SLC35F4: variants seen among roughly 807,000 people sequenced by gnomAD.
SLC35F4 encodes chromosome 14 open reading frame 36.
In SLC35F4, 24 loss-of-function variants were observed where a neutral mutation model predicts 44.2. The ratio of observed to expected loss-of-function variants is 0.54; its 90% confidence interval spans 0.39 to 0.76. SLC35F4 has a LOEUF of 0.76. Ranked by LOEUF, SLC35F4 falls within the 30% of genes least tolerant of loss-of-function variation. The probability of loss-of-function intolerance (pLI) is 0.00; values close to 1 mark genes in which losing one functional copy is unlikely to be tolerated. For missense variants in SLC35F4, 562 were observed against 586.1 expected (o/e 0.96, Z 0.42); for synonymous variants, 238 against 223.6 (o/e 1.06, Z -0.57).
At chr14:57,842,826 A>AGT (rs1885615932) in intron 1 of SLC35F4, among the ~76,000 whole-genome samples, 1 of 152,162 alleles carries the variant, frequency 6.6e-6, no homozygotes, top group Admixed American at 6.5e-5. Flanking sequence ...AAGATGATTA[A>AGT]CATTTGAGTC....
intron 1 of SLC35F4, among the ~76,000 whole-genome samples, chr14:57,848,807 T>C (rs186582164): frequency 6.4e-4 from 97 of 152,314 alleles, no homozygotes; most frequent in African/African-American, 2.2e-3. Context: ...GATTGGCATT[T>C]TCTAAGCTCA....
At chr14:57,597,043 C>A in intron 1 of SLC35F4, 1 of 384,184 alleles carries the variant, frequency 2.6e-6, no homozygotes, top group South Asian at 2.3e-5. Context: ...GGTCTTGTAC[C>A]ATTTAGTTAA....
chr14:57,677,532 T>C (rs1278406742), intron 1 of SLC35F4, among the ~76,000 whole-genome samples: 1 of 152,058 alleles, frequency 6.6e-6, no homozygotes, highest in Admixed American at 6.6e-5. Flanking sequence ...AAAGTTAACT[T>C]GCTGTTTGAG....
chr14:57,729,516 G>A (rs567409096), intron 1 of SLC35F4, among the ~76,000 whole-genome samples: 2 of 152,172 alleles, frequency 1.3e-5, no homozygotes, highest in Non-Finnish European at 2.9e-5. Flanking sequence ...AGCCCAGGAT[G>A]TATCTAGAAA....
At chr14:57,805,049 T>C (rs1034379654) in intron 1 of SLC35F4, among the ~76,000 whole-genome samples, 1 of 151,808 alleles carries the variant, frequency 6.6e-6, no homozygotes, top group Non-Finnish European at 1.5e-5. Context: ...ATTAGAGAAA[T>C]GAAAATCAAA....
chr14:57,709,346 T>C (rs1324292380), intron 1 of SLC35F4, among the ~76,000 whole-genome samples: 31 of 152,158 alleles, frequency 2.0e-4, no homozygotes, highest in Admixed American at 1.9e-3. Context: ...GCTCGCACTC[T>C]TGTCTTCTGG....
chr14:57,872,604 G>T (rs1888318266), intron 1 of SLC35F4, among the ~76,000 whole-genome samples: 1 of 152,154 alleles, frequency 6.6e-6, no homozygotes, highest in Non-Finnish European at 1.5e-5. Context: ...ACATGAAAAT[G>T]CATTTGCTTG....
At chr14:57,811,383 T>G (rs1881947112) in intron 1 of SLC35F4, among the ~76,000 whole-genome samples, 1 of 152,146 alleles carries the variant, frequency 6.6e-6, no homozygotes, top group Non-Finnish European at 1.5e-5. Flanking sequence ...AGAGGTATTA[T>G]GAGAATTAAA....
At chr14:57,700,233 T>C (rs531637924) in intron 1 of SLC35F4, among the ~76,000 whole-genome samples, 22 of 152,342 alleles carry the variant, frequency 1.4e-4, no homozygotes, top group African/African-American at 5.1e-4. Context: ...CATGTTACCG[T>C]ACTGAATACT....
chr14:57,584,279 T>G (rs930424664), intron 3 of SLC35F4, among the ~76,000 whole-genome samples: 2 of 152,170 alleles, frequency 1.3e-5, no homozygotes, highest in African/African-American at 4.8e-5. Context: ...GATTTGATAC[T>G]TCATTGAAAA....
At chr14:57,715,089 G>A (rs2075906436) in intron 1 of SLC35F4, among the ~76,000 whole-genome samples, 1 of 152,150 alleles carries the variant, frequency 6.6e-6, no homozygotes, top group African/African-American at 2.4e-5. Flanking sequence ...AGTAAAGATG[G>A]AAATGATTGA....
intron 1 of SLC35F4, among the ~76,000 whole-genome samples, chr14:57,711,027 T>C (rs1333759024): frequency 6.6e-6 from 1 of 152,062 alleles, no homozygotes; most frequent in Non-Finnish European, 1.5e-5. Flanking sequence ...TAGAGTGGAA[T>C]TATATGGTTT....
At chr14:57,847,912 G>A (rs1886181339) in intron 1 of SLC35F4, among the ~76,000 whole-genome samples, 2 of 152,218 alleles carry the variant, frequency 1.3e-5, no homozygotes, top group Middle Eastern at 3.2e-3. Context: ...AAAGATGACA[G>A]ATTGAATACA....
At chr14:57,747,905 A>G (rs560594485) in intron 1 of SLC35F4, among the ~76,000 whole-genome samples, 2 of 152,198 alleles carry the variant, frequency 1.3e-5, no homozygotes, top group Non-Finnish European at 2.9e-5. Flanking sequence ...GATAGAAAAG[A>G]ATGTCTTGCC....
At chr14:57,728,902 A>G (rs1306557774) in intron 1 of SLC35F4, among the ~76,000 whole-genome samples, 1 of 152,084 alleles carries the variant, frequency 6.6e-6, no homozygotes, top group Non-Finnish European at 1.5e-5. Flanking sequence ...TTTCTCCTTC[A>G]TGCTCAAAGA....
At chr14:57,938,244 G>A (rs1889851248) in intron 1 of SLC35F4, among the ~76,000 whole-genome samples, 1 of 151,946 alleles carries the variant, frequency 6.6e-6, no homozygotes, top group South Asian at 2.1e-4. Context: ...AGACACCAAA[G>A]ACAGGCAGCA....
At chr14:57,933,901 A>C (rs1279806585) in intron 1 of SLC35F4, among the ~76,000 whole-genome samples, 1 of 152,168 alleles carries the variant, frequency 6.6e-6, no homozygotes, top group East Asian at 1.9e-4. Flanking sequence ...AAATATATAT[A>C]ATTAAAATAC....
intron 1 of SLC35F4, among the ~76,000 whole-genome samples, chr14:57,640,138 T>C (rs74680341): frequency 0.014 from 2,108 of 152,082 alleles, 51 homozygotes; most frequent in African/African-American, 0.047. Context: ...TTAAAGTTTC[T>C]CTCCAATGGT....
intron 1 of SLC35F4, among the ~76,000 whole-genome samples, chr14:57,660,214 T>C (rs2074094449): frequency 6.6e-6 from 1 of 152,190 alleles, no homozygotes; most frequent in Non-Finnish European, 1.5e-5. Flanking sequence ...AAAGTGTTTT[T>C]GGATGGTGAA....
Sources: gnomAD v4.1 joint callset for allele counts (sites outside exome capture counted in the v4.1 genomes callset) on GRCh38, gnomAD v4.1.1 for gene constraint, MANE v1.5 for transcripts, NCBI Gene and HGNC (gene_info 2026-07-23, HGNC 2026-07-21) for gene names.